The following OPCML variants were observed in gnomAD, a reference collection of about 807,000 sequenced individuals.
The protein encoded by OPCML is opioid-binding protein/cell adhesion molecule.
A neutral mutation model predicts 37.8 loss-of-function variants in OPCML; 13 were observed. That is an observed-to-expected ratio of 0.34 (90% CI 0.22 to 0.55). The LOEUF (loss-of-function observed/expected upper bound fraction) is 0.55. OPCML is among the 20% of genes least tolerant of loss of function. OPCML has a pLI of 0.91. For missense variants in OPCML, 341 were observed against 435.6 expected (o/e 0.78, Z 1.93); for synonymous variants, 176 against 168.8 (o/e 1.04, Z -0.33).
chr11:132,948,216 C>G (rs1355837003), intron 1 of OPCML, among the ~76,000 whole-genome samples: 2 of 152,136 alleles, frequency 1.3e-5, no homozygotes, highest in East Asian at 3.9e-4. Context: ...CTTACAGTTC[C>G]CAAGAGGAGG....
intron 4 of OPCML, among the ~76,000 whole-genome samples, chr11:132,476,588 G>A (rs1222472930): frequency 6.6e-6 from 1 of 151,972 alleles, no homozygotes; most frequent in Non-Finnish European, 1.5e-5. Flanking sequence ...ACTATCACAA[G>A]GACAAAAACC....
intron 2 of OPCML, among the ~76,000 whole-genome samples, chr11:132,847,072 T>C (rs1405159188): frequency 6.6e-6 from 1 of 152,196 alleles, no homozygotes; most frequent in Non-Finnish European, 1.5e-5. Context: ...TGATACATCT[T>C]GGAGAGTTTG....
At chr11:132,556,481 T>G (rs1338435283) in intron 3 of OPCML, among the ~76,000 whole-genome samples, 3 of 151,998 alleles carry the variant, frequency 2.0e-5, no homozygotes, top group Non-Finnish European at 2.9e-5. Context: ...ATCCTACAAA[T>G]GAGGAAATTG....
chr11:132,852,214 C>T (rs2136331842), intron 2 of OPCML, among the ~76,000 whole-genome samples: 1 of 152,236 alleles, frequency 6.6e-6, no homozygotes, highest in South Asian at 2.1e-4. Context: ...AGCACTTAGA[C>T]CTAGCTAGGC....
At chr11:133,024,832 G>A in intron 1 of OPCML, 3 of 985,420 alleles carry the variant, frequency 3.0e-6, no homozygotes, top group Non-Finnish European at 3.6e-6. Flanking sequence ...GGGTGACCTG[G>A]TGAGGGAAAG....
intron 3 of OPCML, among the ~76,000 whole-genome samples, chr11:132,577,831 C>A (rs181127928): frequency 1.1e-4 from 16 of 152,046 alleles, no homozygotes; most frequent in Admixed American, 3.9e-4. Context: ...ATTCTTTTTT[C>A]CTCTAAAATT....
At chr11:133,311,176 G>GA (rs1245943644) in intron 1 of OPCML, among the ~76,000 whole-genome samples, 56 of 152,248 alleles carry the variant, frequency 3.7e-4, no homozygotes, top group African/African-American at 1.3e-3. Context: ...ACACTTCAGG[G>GA]AAAAACATCA....
chr11:132,568,527 A>T (rs979309537), intron 3 of OPCML, among the ~76,000 whole-genome samples: 4 of 152,200 alleles, frequency 2.6e-5, no homozygotes, highest in African/African-American at 9.6e-5. Flanking sequence ...AGAAATTTGG[A>T]TGCAGACACA....
At chr11:132,492,865 A>G (rs2137077600) in intron 4 of OPCML, among the ~76,000 whole-genome samples, 1 of 152,334 alleles carries the variant, frequency 6.6e-6, no homozygotes, top group African/African-American at 2.4e-5. Flanking sequence ...GAATGAATGA[A>G]TAAATGAACG....
intron 2 of OPCML, among the ~76,000 whole-genome samples, chr11:132,689,715 T>G (rs1481131229): frequency 6.6e-6 from 1 of 152,232 alleles, no homozygotes; most frequent in Non-Finnish European, 1.5e-5. Context: ...AACTCAGCCC[T>G]GCCATTTACT....
chr11:132,993,118 A>T (rs991997946), intron 1 of OPCML, among the ~76,000 whole-genome samples: 1 of 152,200 alleles, frequency 6.6e-6, no homozygotes, highest in African/African-American at 2.4e-5. Flanking sequence ...CTTGGTTTCA[A>T]GAGCATGCAC....
At chr11:133,039,725 C>A (rs553648713) in intron 1 of OPCML, among the ~76,000 whole-genome samples, 1 of 152,194 alleles carries the variant, frequency 6.6e-6, no homozygotes, top group East Asian at 1.9e-4. Context: ...AATCATCAGG[C>A]AGACGTCGTG....
chr11:132,931,427 A>G lies in OPCML; in HGVS notation c.146+11499T>C, dbSNP rs536803888. On this transcript the variant is annotated intron_variant, in intron 2 of 7. Transcript: ENST00000524381. The stretch of plus-strand genomic sequence containing the variant: ...AATATTTGTGAGTCATATATCTGAT[A>G]AGGGTCAATATCCAGAATATATAAA... Among the ~76,000 whole-genome samples the G allele has an allele frequency of 2.6e-5, 4 of 152,328 alleles. No individual in the cohort carries two copies. In the South Asian group the frequency reaches 8.3e-4, roughly 32 times the overall value.
intron 1 of OPCML, among the ~76,000 whole-genome samples, chr11:133,292,888 G>A (rs1222985234): frequency 6.6e-6 from 1 of 152,090 alleles, no homozygotes; most frequent in Admixed American, 6.5e-5. Context: ...TTCATGCATG[G>A]GGATGCTCTG....
At chr11:133,170,795 C>A (rs1950278571) in intron 1 of OPCML, among the ~76,000 whole-genome samples, 1 of 152,210 alleles carries the variant, frequency 6.6e-6, no homozygotes. Context: ...TACCTGGAGC[C>A]ACAGCCCTCT....
intron 1 of OPCML, among the ~76,000 whole-genome samples, chr11:133,383,049 A>C (rs1357010217): frequency 6.6e-6 from 1 of 151,816 alleles, no homozygotes; most frequent in Non-Finnish European, 1.5e-5. Context: ...TTTTTTCCCC[A>C]AGGTCTCCCA....
chr11:132,503,694 T>A (rs2096250512), intron 4 of OPCML, among the ~76,000 whole-genome samples: 1 of 152,122 alleles, frequency 6.6e-6, no homozygotes, highest in South Asian at 2.1e-4. Context: ...CTAGAGGCAA[T>A]TTGATGATAA....
intron 3 of OPCML, among the ~76,000 whole-genome samples, chr11:132,575,133 C>G (rs767175498): frequency 8.6e-5 from 13 of 151,864 alleles, no homozygotes; most frequent in Non-Finnish European, 1.5e-4. Context: ...AATTTTAAGC[C>G]TATGTGTGCC....
chr11:132,554,846 C>T (rs1382382524), intron 3 of OPCML, among the ~76,000 whole-genome samples: 1 of 136,320 alleles, frequency 7.3e-6, no homozygotes, highest in Non-Finnish European at 1.5e-5. Context: ...AAATAAAAGC[C>T]ATGGGAATGG....
Sources: allele counts gnomAD v4.1 joint callset (sites outside exome capture counted in the v4.1 genomes callset), GRCh38; gene constraint gnomAD v4.1.1; transcripts MANE v1.5; gene names NCBI Gene and HGNC (gene_info 2026-07-23, HGNC 2026-07-21).